The following ASB5 variants were observed in gnomAD, a reference collection of about 807,000 sequenced individuals.
The protein encoded by ASB5 is ankyrin repeat and SOCS box containing 5.
A neutral mutation model predicts 42.1 loss-of-function variants in ASB5; 45 were observed. The ratio of observed to expected loss-of-function variants is 1.07; its 90% CI spans 0.84 to 1.37. The LOEUF is 1.37. Ranked by LOEUF, ASB5 falls within the 40% of genes most tolerant of loss-of-function variation. The probability of loss-of-function intolerance (pLI) is 0.00; values close to 1 mark genes in which losing one functional copy is unlikely to be tolerated. For missense variants in ASB5, 402 were observed against 399.8 expected, an observed-to-expected ratio of 1.01 and a Z score of -0.05; for synonymous variants, 147 against 150.6, an observed-to-expected ratio of 0.98 and a Z score of 0.18.
At chr4:176,268,683 GT>G (rs1328773671) in intron 1 of ASB5, among the ~76,000 whole-genome samples, 3 of 151,790 alleles carry the variant, frequency 2.0e-5, no homozygotes, top group Non-Finnish European at 4.4e-5. Context: ...TATATATATA[GT>G]ATGCCTTCCT....
intron 1 of ASB5, among the ~76,000 whole-genome samples, chr4:176,257,736 C>T (rs531443226): frequency 2.0e-5 from 3 of 152,154 alleles, no homozygotes; most frequent in Non-Finnish European, 4.4e-5. Flanking sequence ...CTCATGCACA[C>T]GAGGCTTTGA....
At chr4:176,275,265 G>A (rs1236860137) in intron 2 of ASB5, among the ~76,000 whole-genome samples, 1 of 152,000 alleles carries the variant, frequency 6.6e-6, no homozygotes, top group Non-Finnish European at 1.5e-5. Flanking sequence ...AATTAATAAT[G>A]ATCATTTCTT....
At chr4:176,231,659 CAAAA>C (rs11362445) in intron 1 of ASB5, among the ~76,000 whole-genome samples, 3 of 101,900 alleles carry the variant, frequency 2.9e-5, no homozygotes. Flanking sequence ...CTTGTCTCTG[CAAAA>C]AAAAAAAAAA....
At chr4:176,224,129 C>A (rs1041524610) in intron 2 of ASB5, among the ~76,000 whole-genome samples, 9 of 151,634 alleles carry the variant, frequency 5.9e-5, no homozygotes, top group South Asian at 2.1e-4. Context: ...GGCAACATGA[C>A]CTTTCCTTTC....
At chr4:176,236,240 A>G (rs1487255435) in intron 1 of ASB5, among the ~76,000 whole-genome samples, 1 of 151,958 alleles carries the variant, frequency 6.6e-6, no homozygotes, top group Non-Finnish European at 1.5e-5. Flanking sequence ...GTGCATAGTT[A>G]GGTAACTTAC....
At chr4:176,251,564 TAAAAAAA>T (rs34392287) in intron 1 of ASB5, among the ~76,000 whole-genome samples, 2 of 10,372 alleles carry the variant, frequency 1.9e-4, no homozygotes, top group African/African-American at 7.9e-4. Flanking sequence ...TCTGTCTCAT[TAAAAAAA>T]AAAAAAAAAA....
In ASB5 at chr4:176,243,422, T is replaced by C. The variant is rs193294759; in HGVS notation, c.197-18081A>G. Among the ~76,000 whole-genome samples the C allele has an allele frequency of 2.9e-4, 44 of 152,332 alleles. 1 individual carries two copies. Among genetic ancestry groups the C allele is most frequent in the Non-Finnish European group, 1.5e-5 (1 of 68,034 alleles). ...TTTATACTGTAAAGCAATTTTATTATGTGAATAAGAATTATTACAGCTTTT... is the reference window on the plus strand; with the variant it reads ...TTTATACTGTAAAGCAATTTTATTACGTGAATAAGAATTATTACAGCTTTT... On this transcript the variant is annotated intron_variant, in intron 1 of 6. Coordinates refer to ENST00000296525, the MANE Select transcript of ASB5 (RefSeq NM_080874.4).
At chr4:176,260,247 C>G (rs769202226) in intron 1 of ASB5, among the ~76,000 whole-genome samples, 2 of 152,190 alleles carry the variant, frequency 1.3e-5, no homozygotes, top group African/African-American at 2.4e-5. Flanking sequence ...CCCCCTCACA[C>G]CACCCTAGCT....
At chr4:176,233,577 T>A (rs1753607500) in intron 1 of ASB5, among the ~76,000 whole-genome samples, 1 of 152,230 alleles carries the variant, frequency 6.6e-6, no homozygotes. Context: ...GCAATAATTG[T>A]CAAGGAAACT....
At chr4:176,240,101 T>G (rs1189628352) in intron 1 of ASB5, among the ~76,000 whole-genome samples, 1 of 152,166 alleles carries the variant, frequency 6.6e-6, no homozygotes, top group Non-Finnish European at 1.5e-5. Context: ...AAGAGAGCAC[T>G]GTGAAATCTC....
At chr4:176,241,931 C>T (rs567154227) in intron 1 of ASB5, among the ~76,000 whole-genome samples, 4 of 152,186 alleles carry the variant, frequency 2.6e-5, no homozygotes, top group East Asian at 1.9e-4. Context: ...TCCTCAATGA[C>T]GTAGATGACC....
chr4:176,214,674 A>C lies in ASB5; in HGVS notation c.*926T>G, dbSNP rs994817425. The C allele has an allele frequency of 2.0e-5, 3 of 152,122 alleles. No individual in the cohort carries two copies. The highest frequency in any genetic ancestry group is 4.4e-5 in the Non-Finnish European group (3 of 68,014). The allele number at this position is 152,122 out of a possible 1,614,324, so 9.4% of individuals were successfully genotyped here. A position where few individuals can be genotyped will look rare whatever the true frequency, so the allele number is the denominator to read the frequency against. On this transcript the variant is annotated 3_prime_UTR_variant, in exon 7 of 7. Transcript: ENST00000296525. ...CACTCTTTAAAAACTCCACAATTTG[A>C]GTTTTTAATCTTCCATTTTTTTATA...
At chr4:176,229,595 C>T (rs1211518276) in intron 1 of ASB5, among the ~76,000 whole-genome samples, 1 of 152,000 alleles carries the variant, frequency 6.6e-6, no homozygotes, top group African/African-American at 2.4e-5. Context: ...CCCCTGTTTC[C>T]CCCCAGGCTG....
At chr4:176,239,349 C>T (rs1753763559) in intron 1 of ASB5, among the ~76,000 whole-genome samples, 1 of 152,062 alleles carries the variant, frequency 6.6e-6, no homozygotes. Flanking sequence ...TCTGTAACAA[C>T]AAAAGCTTTA....
Position 176,221,583 on chromosome 4 carries a change from T to C in ASB5, c.402A>G (p.Ile134Met). 2 of 1,612,760 alleles carry C rather than the reference T, an allele frequency of 1.2e-6. No homozygotes were observed. The highest frequency in any genetic ancestry group is 2.2e-5 in the East Asian group (1 of 44,848). ...CGTTGAATAACGGAGTCACGCCATC[T>C]ATCGTGATTGCATTTACCTAAACCA... ...EAGANVNAIT[I>M]DGVTPLFNAC... The change falls in exon 4 of 7, where the codon ATA (isoleucine) becomes ATG (methionine). Residue 134 changes from isoleucine (I) to methionine (M), a missense_variant. Physicochemically the swap from Ile to Met is conservative, Grantham distance 10. Coordinates refer to ENST00000296525, the MANE Select transcript of ASB5 (RefSeq NM_080874.4).
At chr4:176,239,110 T>C (rs2126961540) in intron 1 of ASB5, among the ~76,000 whole-genome samples, 1 of 152,268 alleles carries the variant, frequency 6.6e-6, no homozygotes, top group African/African-American at 2.4e-5. Context: ...AGGCTATTTG[T>C]ATGGGTGGCA....
intron 1 of ASB5, among the ~76,000 whole-genome samples, chr4:176,255,425 G>A (rs1039996215): frequency 1.3e-5 from 2 of 152,178 alleles, no homozygotes; most frequent in African/African-American, 4.8e-5. Flanking sequence ...ATTCATCACA[G>A]CACTATTCAC....
Position 176,255,732 on chromosome 4 carries a change from C to T in ASB5, c.196+13181G>A, listed in dbSNP as rs549106577. ...AGAGAGGGAGGCAGAGATGTGGGTA[C>T]GGGTTGAAAAACTAACTACTGGGTA... On this transcript the variant is annotated intron_variant, in intron 1 of 6. Transcript: ENST00000296525. Among the ~76,000 whole-genome samples the T allele has an allele frequency of 1.2e-4, 19 of 152,220 alleles. No individual in the cohort carries two copies. The East Asian group carries it at 1.5e-3, about 12-fold the overall frequency.
At chr4:176,238,640 T>C (rs1753745960) in intron 1 of ASB5, among the ~76,000 whole-genome samples, 1 of 152,156 alleles carries the variant, frequency 6.6e-6, no homozygotes, top group South Asian at 2.1e-4. Context: ...TGGTGACAGA[T>C]TCTGTTATCT....
Sources: gnomAD v4.1 joint callset for allele counts (sites outside exome capture counted in the v4.1 genomes callset) on GRCh38, gnomAD v4.1.1 for gene constraint, MANE v1.5 for transcripts, NCBI Gene and HGNC (gene_info 2026-07-23, HGNC 2026-07-21) for gene names.